MCPH1: variants seen among roughly 807,000 people sequenced by gnomAD.
MCPH1 encodes the protein microcephalin 1.
A neutral mutation model predicts 84.5 loss-of-function variants in MCPH1; 104 were observed. The ratio of observed to expected loss-of-function variants is 1.23; its 90% CI spans 1.05 to 1.45. MCPH1 has a LOEUF of 1.45. Ranked by LOEUF, MCPH1 falls within the 40% of genes most tolerant of loss-of-function variation. The probability of loss-of-function intolerance (pLI) is 0.00; values close to 1 mark genes in which losing one functional copy is unlikely to be tolerated. For missense variants in MCPH1, 1,498 were observed against 1,005.7 expected (o/e 1.49, Z -6.62); for synonymous variants, 514 against 366.8 (o/e 1.40, Z -4.58).
rs201261159 is a variant in MCPH1 at position 6,444,995 on chromosome 8, T to A, written c.1273T>A (p.Tyr425Asn). 204 of 1,614,194 alleles carry A rather than the reference T, an allele frequency of 1.3e-4. No individual in the cohort carries two copies. The African/African-American group carries it at 2.3e-3, about 18-fold the overall frequency. ...YFSPDNLKER[Y>N]SENLPPESQL... The stretch of plus-strand genomic sequence containing the variant: ...TTCACCTGATAATCTTAAGGAAAGG[T>A]ATTCAGAGAATCTTCCTCCTGAATC... The change falls in exon 8 of 14, where the codon TAT becomes AAT. Residue 425 changes from tyrosine (Y) to asparagine (N), a missense_variant. Physicochemically the swap from Tyr to Asn is moderately radical, Grantham distance 143. Coordinates refer to ENST00000344683, the MANE Select transcript of MCPH1 (RefSeq NM_024596.5).
At chr8:6,421,358 T>A (rs1800168337) in intron 3 of MCPH1, among the ~76,000 whole-genome samples, 1 of 152,122 alleles carries the variant, frequency 6.6e-6, no homozygotes, top group Non-Finnish European at 1.5e-5. Context: ...TAGAGGCCTC[T>A]CCTGCCGGGC....
intron 1 of MCPH1, among the ~76,000 whole-genome samples, chr8:6,407,487 C>T (rs1032468609): frequency 6.6e-6 from 1 of 152,102 alleles, no homozygotes; most frequent in East Asian, 1.9e-4. Flanking sequence ...GTCCCACCCT[C>T]TGTGCACCTG....
At chr8:6,618,250 C>T (rs950447105) in intron 12 of MCPH1, among the ~76,000 whole-genome samples, 3 of 152,226 alleles carry the variant, frequency 2.0e-5, no homozygotes, top group Non-Finnish European at 2.9e-5. Context: ...ATGAGAACAC[C>T]GCCTGCTGCA....
chr8:6,526,246 C>A, intron 12 of MCPH1, among the ~76,000 whole-genome samples: 1 of 130,784 alleles, frequency 7.6e-6, no homozygotes, highest in South Asian at 2.7e-4. Context: ...ATGGCAAAAC[C>A]TTGCCTCTAC....
intron 12 of MCPH1, among the ~76,000 whole-genome samples, chr8:6,594,006 C>G (rs1331145289): frequency 6.6e-6 from 1 of 152,232 alleles, no homozygotes; most frequent in African/African-American, 2.4e-5. Flanking sequence ...TGTCTCTTCT[C>G]TCCTATAACC....
intron 13 of MCPH1, among the ~76,000 whole-genome samples, chr8:6,623,373 G>A (rs73184454): frequency 0.082 from 12,315 of 151,002 alleles, 883 homozygotes; most frequent in East Asian, 0.35. Context: ...TCTCTCTCCT[G>A]TTCTCTCATT....
intron 9 of MCPH1, among the ~76,000 whole-genome samples, chr8:6,471,724 G>C (rs1322953808): frequency 1.3e-5 from 2 of 152,148 alleles, no homozygotes; most frequent in African/African-American, 4.8e-5. Context: ...TCTTCCCCTG[G>C]TGGGGTCTCA....
At chr8:6,427,156 T>TA (rs1244774291) in intron 3 of MCPH1, among the ~76,000 whole-genome samples, 1 of 152,096 alleles carries the variant, frequency 6.6e-6, no homozygotes. Flanking sequence ...AGAGTAAAAA[T>TA]ATGGTATAAA....
chr8:6,558,996 C>T (rs999893183), intron 12 of MCPH1, among the ~76,000 whole-genome samples: 2 of 152,006 alleles, frequency 1.3e-5, no homozygotes, highest in African/African-American at 4.8e-5. Flanking sequence ...TTCTACATTC[C>T]TTACTGCATT....
chr8:6,436,399 C>G (rs1296396347), intron 5 of MCPH1, among the ~76,000 whole-genome samples: 1 of 152,128 alleles, frequency 6.6e-6, no homozygotes, highest in Non-Finnish European at 1.5e-5. Flanking sequence ...GGTGGTCGAA[C>G]TTTTTATTTT....
rs191132962 is a variant in MCPH1 at position 6,470,158 on chromosome 8, G to A, written c.1936-7436G>A. Reference sequence around the variant, plus strand: ...GTGAGATGTGTCTAGACGAATGGAAGAGTAATATCTCATATTAATATATTG... The same window carrying A: ...GTGAGATGTGTCTAGACGAATGGAAAAGTAATATCTCATATTAATATATTG... On this transcript the variant is annotated intron_variant, in intron 9 of 13. Coordinates refer to ENST00000344683, the MANE Select transcript of MCPH1 (RefSeq NM_024596.5). Among the ~76,000 whole-genome samples, 163 of 152,306 alleles carry A rather than the reference G, an allele frequency of 1.1e-3. 1 individual carries two copies. Among genetic ancestry groups the A allele is most frequent in the African/African-American group, 3.8e-3 (158 of 41,552 alleles).
In MCPH1 at chr8:6,442,052, T is replaced by C. The variant is rs754939585; in HGVS notation, c.581-15T>C. 1.9e-6 allele frequency: 3 copies of C among 1,586,460 alleles called. No individual in the cohort carries two copies. Among genetic ancestry groups the C allele is most frequent in the East Asian group, 2.2e-5 (1 of 44,726 alleles). The stretch of plus-strand genomic sequence containing the variant: ...TGAAACTTTATCTAATGCAGTGTCT[T>C]GGTCCTGTTTTTAGCTTCCCAAATG... On this transcript the variant is annotated splice_polypyrimidine_tract_variant and intron_variant, in intron 6 of 13. Coordinates refer to ENST00000344683, the MANE Select transcript of MCPH1 (RefSeq NM_024596.5).
In MCPH1 at chr8:6,442,071, C is replaced by A. The variant is rs1338908640; in HGVS notation, c.585C>A (p.Ser195=). 1.9e-6 allele frequency: 3 copies of A among 1,611,446 alleles called. No individual in the cohort carries two copies. The highest frequency in any genetic ancestry group is 1.7e-5 in the Admixed American group (1 of 59,998). The change falls in exon 7 of 14, where the codon TCC becomes TCA. Residue 195 remains serine (S), a synonymous_variant. Coordinates refer to ENST00000344683, the MANE Select transcript of MCPH1 (RefSeq NM_024596.5). ...EKRENLSPTS[S]QMIQQSHDNP... ...GTGTCTTGGTCCTGTTTTTAGCTTCCCAAATGATTCAGCAGTCTCATGATA... is the reference window on the plus strand; with the variant it reads ...GTGTCTTGGTCCTGTTTTTAGCTTCACAAATGATTCAGCAGTCTCATGATA...
In MCPH1 at chr8:6,479,633, C is replaced by A. The variant is rs779897003; in HGVS notation, c.1974-1081C>A. ...TGTTTTTTTAGTAGAGACAGCGTTT[C>A]ACCATGTTGTTGTATATATCACAGT... is the stretch of plus-strand genomic sequence containing the variant. On this transcript the variant is annotated intron_variant, in intron 10 of 13. Transcript: ENST00000344683. Among the ~76,000 whole-genome samples the A allele has an allele frequency of 2.4e-4, 37 of 152,054 alleles. 1 individual carries two copies. Among genetic ancestry groups the A allele is most frequent in the African/African-American group, 8.7e-4 (36 of 41,512 alleles).
At chr8:6,525,146 A>G (rs1407097798) in intron 12 of MCPH1, among the ~76,000 whole-genome samples, 1 of 152,260 alleles carries the variant, frequency 6.6e-6, no homozygotes, top group Non-Finnish European at 1.5e-5. Flanking sequence ...CAGCCAAGGA[A>G]CTGGCTACCC....
intron 8 of MCPH1, among the ~76,000 whole-genome samples, chr8:6,453,262 C>T (rs557932458): frequency 2.0e-5 from 3 of 152,068 alleles, no homozygotes; most frequent in Non-Finnish European, 2.9e-5. Context: ...TTGGGTTTAC[C>T]GATGTCAATG....
At chr8:6,526,257 T>TA (rs35519559) in intron 12 of MCPH1, among the ~76,000 whole-genome samples, 20,270 of 76,858 alleles carry the variant, frequency 0.26, 3,665 homozygotes, top group East Asian at 0.6. Flanking sequence ...TTGCCTCTAC[T>TA]AAAAAAAAAA....
intron 13 of MCPH1, among the ~76,000 whole-genome samples, chr8:6,637,768 G>T (rs544136179): frequency 6.6e-6 from 1 of 152,210 alleles, no homozygotes; most frequent in East Asian, 1.9e-4. Context: ...GCTGACACAT[G>T]TTTTTTTAAT....
chr8:6,447,155 C>A, intron 8 of MCPH1: 1 of 985,418 alleles, frequency 1.0e-6, no homozygotes, highest in Non-Finnish European at 1.2e-6. Flanking sequence ...TGTTGGCTAG[C>A]CTAAATCGAA....
Sources: allele counts gnomAD v4.1 joint callset (sites outside exome capture counted in the v4.1 genomes callset), GRCh38; gene constraint gnomAD v4.1.1; transcripts MANE v1.5; gene names NCBI Gene and HGNC (gene_info 2026-07-23, HGNC 2026-07-21).